Variants in SLC7A2 observed in about 807,000 individuals in gnomAD.
SLC7A2 encodes cationic amino acid transporter 2.
In SLC7A2, 48 loss-of-function variants were observed where a neutral mutation model predicts 58.9. That is an observed-to-expected ratio of 0.82 (90% CI 0.65 to 1.04). The LOEUF (loss-of-function observed/expected upper bound fraction) is 1.04, where lower values mean the gene tolerates loss of function less well. Among genes scored for constraint, SLC7A2 ranks in the 50% least tolerant of loss-of-function variants. The probability of loss-of-function intolerance (pLI) is 0.00; values close to 1 mark genes in which losing one functional copy is unlikely to be tolerated. For synonymous variants in SLC7A2, 363 were observed against 314.5 expected (o/e 1.15, Z -1.63); for missense variants, 1,029 against 818.8 (o/e 1.26, Z -3.13).
At chr8:17,543,910 C>A (rs187179205) in intron 3 of SLC7A2, among the ~76,000 whole-genome samples, 195 bp downstream of exon 3, 1 of 152,228 alleles carries the variant, frequency 6.6e-6, no homozygotes, top group East Asian at 1.9e-4. Context: ...CTCTGTCGCC[C>A]AGGCTTGAAG....
chr8:17,497,292 G>C (rs1799990324), intron 1 of SLC7A2, 55 bp downstream of exon 1: 2 of 152,238 alleles, frequency 1.3e-5, no homozygotes, highest in Non-Finnish European at 2.9e-5. Flanking sequence ...GGGCAGCCCG[G>C]ACGCTGGGGC....
intron 5 of SLC7A2, 142 bp downstream of exon 5, chr8:17,548,985 A>T (rs986691253): frequency 1.2e-5 from 9 of 727,286 alleles, no homozygotes; most frequent in Non-Finnish European, 2.0e-5. Flanking sequence ...TAATGGACTC[A>T]CAGTTCCACA....
chr8:17,549,617 C>T (rs1326084612), intron 5 of SLC7A2, among the ~76,000 whole-genome samples: 10 of 152,136 alleles, frequency 6.6e-5, no homozygotes, highest in Admixed American at 6.5e-4. Context: ...TCTCTTAATG[C>T]TTTAGTAATC....
At chr8:17,500,687 G>A (rs1015589232) in intron 1 of SLC7A2, 44 of 152,184 alleles carry the variant, frequency 2.9e-4, no homozygotes, top group African/African-American at 1.1e-3. Context: ...TGCTTGGGAA[G>A]CTGAGGCAGG....
intron 2 of SLC7A2, among the ~76,000 whole-genome samples, chr8:17,502,926 A>T (rs888410605): frequency 2.6e-5 from 4 of 151,894 alleles, no homozygotes; most frequent in East Asian, 1.9e-4. Context: ...ATTATTATTT[A>T]AAAATATTAT....
Position 17,565,010 on chromosome 8 carries a change from A to C in SLC7A2, c.1841A>C (p.Glu614Ala). 6.2e-7 allele frequency: 1 copy of C among 1,613,926 alleles called. No homozygotes were observed. Among genetic ancestry groups the C allele is most frequent in the Non-Finnish European group, 8.5e-7 (1 of 1,179,940 alleles). The change falls in exon 13 of 13, where the codon GAA becomes GCA. Residue 614 changes from glutamate to alanine, a missense_variant. Transcript: ENST00000494857. Reference sequence around the variant, plus strand: ...AGCCTGGAGGGTCATCTGAGAGATGAAAACAATGAAGAAGATGCTTATCCA... The same window carrying C: ...AGCCTGGAGGGTCATCTGAGAGATGCAAACAATGAAGAAGATGCTTATCCA... Reference protein sequence around the residue: ...RHSLEGHLRDENNEEDAYPDN... With the variant: ...RHSLEGHLRDANNEEDAYPDN...
At chr8:17,562,180 A>ATTTTTTTTTTTTTTTTTTTTTTTTCT (rs1803039313) in intron 11 of SLC7A2, 70 bp downstream of exon 11, 1 of 547,486 alleles carries the variant, frequency 1.8e-6, no homozygotes, top group Admixed American at 5.3e-5. Flanking sequence ...TTTGGTAAGT[A>ATTTTTTTTTTTTTTTTTTTTTTTTCT]TTTTTTTTTT....
In SLC7A2 at chr8:17,551,888, C is replaced by T. The variant is rs759048706; in HGVS notation, c.957C>T (p.Leu319=). The T allele has an allele frequency of 2.0e-5, 32 of 1,613,722 alleles. No homozygotes were observed. The South Asian group carries it at 2.3e-4, about 12-fold the overall frequency. ...ALTLMMPYYL[L]DEKSPLPVAF... ...CACTTATGATGCCGTACTACCTCCT[C>T]GATGAAAAAAGCCCCCTTCCTGTAG... Residue 319 remains leucine (L), a synonymous_variant, in exon 7 of 13, where the codon CTC becomes CTT. Transcript: ENST00000494857.
intron 2 of SLC7A2, among the ~76,000 whole-genome samples, chr8:17,508,677 C>G (rs1800472967): frequency 1.3e-5 from 2 of 151,684 alleles, no homozygotes; most frequent in South Asian, 2.1e-4. Flanking sequence ...TGAGGCGAGA[C>G]CACTCCAGCC....
rs1329984838 is a variant in SLC7A2 at position 17,565,012 on chromosome 8, A to C, written c.1843A>C (p.Asn615His). The C allele has an allele frequency of 6.2e-7, 1 of 1,613,924 alleles. No individual in the cohort carries two copies. The highest frequency in any genetic ancestry group is 1.3e-5 in the African/African-American group (1 of 75,002). Residue 615 changes from asparagine to histidine, a missense_variant, in exon 13 of 13, where the codon AAC (asparagine) becomes CAC (histidine). Physicochemically the swap from Asn to His is moderately conservative, Grantham distance 68. Coordinates refer to ENST00000494857, the MANE Select transcript of SLC7A2 (RefSeq NM_001370338.1). The stretch of plus-strand genomic sequence containing the variant: ...CCTGGAGGGTCATCTGAGAGATGAA[A>C]ACAATGAAGAAGATGCTTATCCAGA... ...HSLEGHLRDENNEEDAYPDNV... is the reference protein window; with the variant it reads ...HSLEGHLRDEHNEEDAYPDNV...
At chr8:17,517,864 A>G (rs1336200026) in intron 2 of SLC7A2, among the ~76,000 whole-genome samples, 2 of 152,044 alleles carry the variant, frequency 1.3e-5, no homozygotes, top group South Asian at 2.1e-4. Context: ...TCTGTTTCTC[A>G]CTGCTTCTGG....
chr8:17,505,396 G>C (rs940951678), intron 2 of SLC7A2, among the ~76,000 whole-genome samples: 23 of 152,176 alleles, frequency 1.5e-4, no homozygotes, highest in Non-Finnish European at 2.2e-4. Context: ...TTGGGGCTGA[G>C]AACTGGCCCA....
intron 2 of SLC7A2, among the ~76,000 whole-genome samples, chr8:17,514,045 T>A (rs1032777504): frequency 2.0e-5 from 3 of 152,166 alleles, no homozygotes; most frequent in African/African-American, 7.2e-5. Flanking sequence ...CACTGACCCG[T>A]AATAGTCTTA....
intron 1 of SLC7A2, among the ~76,000 whole-genome samples, chr8:17,499,549 A>T (rs1445139019): frequency 6.6e-6 from 1 of 150,590 alleles, no homozygotes; most frequent in Non-Finnish European, 1.5e-5. Flanking sequence ...AAACATGTAG[A>T]TATGAACACA....
chr8:17,560,188 C>G (rs962981964), intron 9 of SLC7A2, 140 bp from the exon 10 acceptor site: 4 of 649,378 alleles, frequency 6.2e-6, no homozygotes, highest in South Asian at 1.9e-5. Flanking sequence ...TCAGCATGCT[C>G]TGGGACTGGA....
At chr8:17,496,173 ATTCTCAGCCTGGTGGCTCAAGCCTGTAG>A (rs1799952869), upstream of SLC7A2, among the ~76,000 whole-genome samples, 1 of 152,114 alleles carries the variant, frequency 6.6e-6, no homozygotes, top group South Asian at 2.1e-4. Context: ...CAAGCCTGTA[ATTCTCAGCCTGGTGGCTCAAGCCTGTAG>A]TTGTCAGCAC....
chr8:17,557,584 A>G (rs1475933154), intron 8 of SLC7A2, among the ~76,000 whole-genome samples: 1 of 152,230 alleles, frequency 6.6e-6, no homozygotes, highest in Non-Finnish European at 1.5e-5. Context: ...TAATCCCAGC[A>G]TCTTGGGAGG....
At chr8:17,531,800 C>A (rs1389466139) in intron 2 of SLC7A2, among the ~76,000 whole-genome samples, 11 of 151,322 alleles carry the variant, frequency 7.3e-5, no homozygotes, top group African/African-American at 2.7e-4. Context: ...AGATCTTTTT[C>A]CAAGGAAGGA....
At chr8:17,499,579 T>C (rs1800076004) in intron 1 of SLC7A2, among the ~76,000 whole-genome samples, 1 of 150,650 alleles carries the variant, frequency 6.6e-6, no homozygotes, top group African/African-American at 2.5e-5. Flanking sequence ...AAGACTCTTA[T>C]AGACTACCTA....
Sources: allele counts gnomAD v4.1 joint callset (sites outside exome capture counted in the v4.1 genomes callset), GRCh38; gene constraint gnomAD v4.1.1; transcripts MANE v1.5; gene names NCBI Gene and HGNC (gene_info 2026-07-23, HGNC 2026-07-21).